The following TEX11 variants were observed in gnomAD, a reference collection of about 807,000 sequenced individuals.
TEX11 encodes the protein testis expressed 11, also known as testis-expressed protein 11.
Under a neutral mutation model 84.4 loss-of-function variants are expected in TEX11, and 7 were observed. That is an observed-to-expected ratio of 0.08 (90% confidence interval 0.05 to 0.16). The LOEUF is 0.16. TEX11 is among the 10% of genes least tolerant of loss of function. The pLI is 1.00. For synonymous variants in TEX11, 264 were observed against 222.8 expected, an observed-to-expected ratio of 1.18 and a Z score of -1.64; for missense variants, 551 against 660.5, an observed-to-expected ratio of 0.83 and a Z score of 1.82.
intron 25 of TEX11, among the ~76,000 whole-genome samples, chrX:70,579,530 A>AAAAAAAAAAAAAAAAAAAAAAAAAAC (rs2088739759): frequency 1.9e-5 from 2 of 103,139 alleles, no homozygotes; most frequent in Non-Finnish European, 2.0e-5. Context: ...AAAAAAAAAA[A>AAAAAAAAAAAAAAAAAAAAAAAAAAC]AAAACAAAAA....
chrX:70,758,073 A>C (rs2090881118), intron 9 of TEX11, among the ~76,000 whole-genome samples: 1 of 112,129 alleles, frequency 8.9e-6, no homozygotes, highest in African/African-American at 3.2e-5. Context: ...AGAAGAGCTA[A>C]CTATCCTAAA....
rs139047853 is a variant in TEX11, at chrX:70,539,534, T to C, written c.2521-9535A>G. ...CTGGGCTTCTTGGTTACAAAACGCC[T>C]TTGTGACTCTGTGACTCTGACATCA... On this transcript the variant is annotated intron_variant, in intron 28 of 29. Coordinates refer to ENST00000374333, the MANE Select transcript of TEX11 (RefSeq NM_031276.3). Among the ~76,000 whole-genome samples the C allele has an allele frequency of 5.6e-3, 618 of 111,238 alleles. 3 individuals are homozygous for C. The highest frequency in any genetic ancestry group is 0.017 in the African/African-American group (533 of 30,600).
intron 13 of TEX11, among the ~76,000 whole-genome samples, chrX:70,687,709 A>G (rs1369630906): frequency 9.0e-6 from 1 of 111,097 alleles, no homozygotes; most frequent in Non-Finnish European, 1.9e-5. Flanking sequence ...AGTTATGTGC[A>G]GTGGTTGGTG....
At position 70,529,125 on chromosome X, in the gene TEX11, A is replaced by G. The variant is rs1183769925; in HGVS notation, c.2748T>C (p.His916=). Residue 916 remains histidine, a synonymous_variant, in exon 30 of 30, where the codon CAT becomes CAC. Transcript: ENST00000374333. ...ALSNNKGPVF[H]EHGYWSKSD is the part of the protein sequence containing the mutation. ...CTGACTTGCTCCAGTAGCCATGTTC[A>G]TGAAAAACTGGGCCCTTGTTGTTAC... 1 of 1,210,942 alleles carries G rather than the reference A, an allele frequency of 8.3e-7. No homozygotes were observed. Among genetic ancestry groups the G allele is most frequent in the Non-Finnish European group, 1.1e-6 (1 of 894,782 alleles).
chrX:70,575,118 C>T (rs2085394374), intron 25 of TEX11, among the ~76,000 whole-genome samples: 1 of 111,127 alleles, frequency 9.0e-6, no homozygotes. Flanking sequence ...CTGACATGAA[C>T]TGACTTATGT....
intron 2 of TEX11, among the ~76,000 whole-genome samples, chrX:70,889,417 CA>C (rs1003559903): frequency 1.6e-4 from 16 of 97,478 alleles, no homozygotes; most frequent in African/African-American, 2.6e-4. Context: ...GACTCCATCT[CA>C]AAAAAAAAAA....
At chrX:70,795,442 G>A (rs770557110) in intron 9 of TEX11, among the ~76,000 whole-genome samples, 2 of 110,866 alleles carry the variant, frequency 1.8e-5, no homozygotes, top group South Asian at 7.8e-4. Context: ...AGCCTGGCAA[G>A]CTTCATCGCC....
At chrX:70,550,989 T>G (rs2088206501) in intron 28 of TEX11, among the ~76,000 whole-genome samples, 1 of 111,699 alleles carries the variant, frequency 9.0e-6, no homozygotes, top group Admixed American at 9.5e-5. Context: ...AGCTAAGATT[T>G]GCAAGCAACC....
chrX:70,686,351 G>A (rs5936580), intron 13 of TEX11, among the ~76,000 whole-genome samples: 47,056 of 110,668 alleles, frequency 0.43, 8,338 homozygotes, highest in East Asian at 0.58. Flanking sequence ...GGAATACTAC[G>A]CAGCCATAAA....
chrX:70,868,932 C>T (rs1217122494), intron 4 of TEX11, among the ~76,000 whole-genome samples: 5 of 108,426 alleles, frequency 4.6e-5, no homozygotes, highest in Non-Finnish European at 9.5e-5. Context: ...GCATGCGGGG[C>T]TTAAAACCTA....
intron 7 of TEX11, among the ~76,000 whole-genome samples, chrX:70,844,602 A>G (rs748037200): frequency 9.0e-6 from 1 of 110,577 alleles, no homozygotes; most frequent in Admixed American, 9.6e-5. Flanking sequence ...CCTAAAACTT[A>G]AAGTACAATA....
intron 25 of TEX11, among the ~76,000 whole-genome samples, chrX:70,568,086 C>T (rs915625900): frequency 7.2e-5 from 8 of 111,594 alleles, no homozygotes; most frequent in Non-Finnish European, 1.5e-4. Context: ...AATCAGAGTG[C>T]TCCTGTATTG....
At chrX:70,615,441 A>G (rs1283927444) in intron 20 of TEX11, among the ~76,000 whole-genome samples, 3 of 111,965 alleles carry the variant, frequency 2.7e-5, no homozygotes, top group Non-Finnish European at 5.6e-5. Context: ...AGGCAGAAGA[A>G]ATAACTAGTT....
At chrX:70,586,447 A>G (rs756540492) in intron 25 of TEX11, among the ~76,000 whole-genome samples, 8 of 112,288 alleles carry the variant, frequency 7.1e-5, no homozygotes, top group Non-Finnish European at 1.3e-4. Context: ...TACAGAATAT[A>G]TAAAGAAATC....
intron 27 of TEX11, among the ~76,000 whole-genome samples, chrX:70,552,842 G>A (rs2088234721): frequency 9.0e-6 from 1 of 111,513 alleles, no homozygotes; most frequent in Non-Finnish European, 1.9e-5. Context: ...TGTAATCCCA[G>A]CTACTCATGA....
At chrX:70,637,115 A>C (rs139663927) in intron 17 of TEX11, among the ~76,000 whole-genome samples, 130 of 112,479 alleles carry the variant, frequency 1.2e-3, no homozygotes, top group African/African-American at 4.0e-3. Flanking sequence ...TCTCAAAAGA[A>C]GACATACACA....
chrX:70,705,877 A>G lies in TEX11; in HGVS notation c.1004+16741T>C, dbSNP rs750454829. On this transcript the variant is annotated intron_variant, in intron 13 of 29. Coordinates refer to ENST00000374333, the MANE Select transcript of TEX11 (RefSeq NM_031276.3). ...TGCTGGTGGGACTCTAAACTAGTTC[A>G]ACCATTGTGGAAGACAGTGTGGTGA... Among the ~76,000 whole-genome samples the G allele has an allele frequency of 1.6e-4, 18 of 112,046 alleles. No individual in the cohort carries two copies. In the South Asian group the frequency reaches 5.7e-3, roughly 35 times the overall value.
chrX:70,766,616 G>GA (rs201310542), intron 9 of TEX11, among the ~76,000 whole-genome samples: 23 of 106,968 alleles, frequency 2.2e-4, no homozygotes, highest in Admixed American at 9.0e-4. Context: ...CATAGAAATA[G>GA]AAAAAAAAAA....
At chrX:70,613,721 G>A (rs1053718023) in intron 20 of TEX11, among the ~76,000 whole-genome samples, 3 of 111,584 alleles carry the variant, frequency 2.7e-5, no homozygotes, top group African/African-American at 6.5e-5. Flanking sequence ...TAGCTAAGGG[G>A]GTGCTTGTTC....
Sources: allele counts gnomAD v4.1 joint callset (sites outside exome capture counted in the v4.1 genomes callset), GRCh38; gene constraint gnomAD v4.1.1; transcripts MANE v1.5; gene names NCBI Gene and HGNC (gene_info 2026-07-23, HGNC 2026-07-21).